Variants in FAM53A observed in about 807,000 individuals in gnomAD.
The protein encoded by FAM53A is protein FAM53A.
Under a neutral mutation model 26.6 loss-of-function variants are expected in FAM53A, and 28 were observed. The observed-to-expected ratio is 1.05, with a 90% CI of 0.78 to 1.45. The LOEUF is 1.45. Among genes scored for constraint, FAM53A ranks in the 40% most tolerant of loss-of-function variants. The pLI is 0.00. For synonymous variants in FAM53A, 290 were observed against 253.1 expected (o/e 1.15, Z -1.38); for missense variants, 650 against 575.8 (o/e 1.13, Z -1.32).
intron 1 of FAM53A, among the ~76,000 whole-genome samples, chr4:1,631,331 T>A (rs1363831538): frequency 6.6e-6 from 1 of 152,230 alleles, no homozygotes; most frequent in African/African-American, 2.4e-5. Context: ...ATCAACCCCA[T>A]GTCCCAGGCA....
At chr4:1,586,230 G>C in the FAM53A span, among the ~76,000 whole-genome samples, 1 of 151,718 alleles carries the variant, frequency 6.6e-6, no homozygotes, top group Non-Finnish European at 1.5e-5. Context: ...TTTCCCTCTT[G>C]TTGCCCAGGC....
chr4:1,612,932 T>A (rs1412831364), downstream of FAM53A, among the ~76,000 whole-genome samples: 1 of 152,218 alleles, frequency 6.6e-6, no homozygotes, highest in Non-Finnish European at 1.5e-5. Context: ...CATGGCCTGC[T>A]ACACATATGT....
At chr4:1,594,576 C>T in the FAM53A span, among the ~76,000 whole-genome samples, 1 of 152,214 alleles carries the variant, frequency 6.6e-6, no homozygotes, top group African/African-American at 2.4e-5. Context: ...GGTGCAGTGG[C>T]TTACGCCTGT....
chr4:1,677,235 C>G (rs1232976653), intron 1 of FAM53A, among the ~76,000 whole-genome samples: 2 of 152,210 alleles, frequency 1.3e-5, no homozygotes, highest in South Asian at 4.1e-4. Context: ...ATGCTCAAGG[C>G]GCCTCAAGCA....
intron 2 of FAM53A, among the ~76,000 whole-genome samples, chr4:1,666,739 C>G (rs1196075570): frequency 6.6e-6 from 1 of 152,274 alleles, no homozygotes; most frequent in Admixed American, 6.5e-5. Flanking sequence ...CAGTGGCTCA[C>G]GCCTGTAATC....
At chr4:1,623,420 G>A (rs1715140830) in intron 1 of FAM53A, among the ~76,000 whole-genome samples, 1 of 152,202 alleles carries the variant, frequency 6.6e-6, no homozygotes, top group South Asian at 2.1e-4. Flanking sequence ...TGGCAGCTGT[G>A]AGGCTTGGCC....
At chr4:1,614,564 C>G (rs1279789418), downstream of FAM53A, among the ~76,000 whole-genome samples, 1 of 151,986 alleles carries the variant, frequency 6.6e-6, no homozygotes, top group Non-Finnish European at 1.5e-5. Flanking sequence ...AGAAGAGGCA[C>G]AGCCCCAGAG....
the FAM53A span, among the ~76,000 whole-genome samples, chr4:1,581,720 A>C: frequency 6.6e-6 from 1 of 152,160 alleles, no homozygotes; most frequent in East Asian, 1.9e-4. Context: ...CCAGGCTCCC[A>C]AGTAACTGGG....
Position 1,655,087 on chromosome 4 carries a change from C to A in FAM53A, c.773G>T (p.Cys258Phe). The A allele has an allele frequency of 6.2e-7, 1 of 1,602,246 alleles. No homozygotes were observed. The highest frequency in any genetic ancestry group is 8.5e-7 in the Non-Finnish European group (1 of 1,174,382). ...ACTGAGCACGCAAGGCTGTGAGCGG[C>A]ACCGGAGCAGCCCACGGCGCCCGCC... ...ALGGRRGLLR[C>F]RSQPCVLSGK... is the part of the protein sequence containing the mutation. Residue 258 changes from cysteine (C) to phenylalanine (F), a missense_variant, in exon 4 of 5, where the codon TGC becomes TTC. By Grantham distance (205) the Cys-to-Phe change is radical (BLOSUM62 -2). Transcript: ENST00000308132.
rs769929489 is a variant in FAM53A at position 1,641,487 on chromosome 4, T to C, written c.1003A>G (p.Met335Val). ...CDSRGLPGIT[M>V]PGCSQRGLRT... ...AGGCCCCTCTGGCTGCAGCCAGGCA[T>C]GGTGATGCCAGGGAGGCCCCGGGAG... The change falls in exon 5 of 5, where the codon ATG (methionine) becomes GTG (valine). Residue 335 changes from methionine to valine, a missense_variant. Met to Val is a conservative substitution (Grantham distance 21, BLOSUM62 1). Coordinates refer to ENST00000308132, the MANE Select transcript of FAM53A (RefSeq NM_001174070.3). The C allele has an allele frequency of 7.4e-6, 12 of 1,614,152 alleles. No individual in the cohort carries two copies. The East Asian group carries it at 2.5e-4, about 33-fold the overall frequency.
At chr4:1,588,141 G>C in the FAM53A span, among the ~76,000 whole-genome samples, 1 of 152,232 alleles carries the variant, frequency 6.6e-6, no homozygotes, top group Admixed American at 6.5e-5. Flanking sequence ...CTTTTCAGCA[G>C]ACTGGGATTT....
intron 4 of FAM53A, among the ~76,000 whole-genome samples, chr4:1,642,333 C>A (rs1711786819): frequency 6.6e-6 from 1 of 152,200 alleles, no homozygotes; most frequent in South Asian, 2.1e-4. Flanking sequence ...TTCCAGTACC[C>A]CCATGCCACG....
At chr4:1,652,916 C>T (rs1212378789) in intron 4 of FAM53A, among the ~76,000 whole-genome samples, 2 of 149,608 alleles carry the variant, frequency 1.3e-5, no homozygotes, top group Non-Finnish European at 1.5e-5. Flanking sequence ...ACACACCAGA[C>T]AGCACTCACC....
At chr4:1,597,390 C>T in the FAM53A span, among the ~76,000 whole-genome samples, 3 of 152,126 alleles carry the variant, frequency 2.0e-5, no homozygotes, top group Non-Finnish European at 4.4e-5. Flanking sequence ...CGTCTACCCC[C>T]AACTCAGACC....
upstream of FAM53A, chr4:1,684,439 C>T (rs2109100107): frequency 6.7e-6 from 1 of 149,864 alleles, no homozygotes; most frequent in Non-Finnish European, 1.5e-5. Context: ...AGCCGCGCCG[C>T]GCCGACGGAG....
the FAM53A span, among the ~76,000 whole-genome samples, chr4:1,591,970 G>A: frequency 2.6e-5 from 4 of 152,218 alleles, no homozygotes; most frequent in African/African-American, 9.7e-5. Context: ...AGTGAAACGG[G>A]AGAGTGGATA....
In FAM53A at chr4:1,644,325, G is replaced by A. The variant is rs547132047; in HGVS notation, c.883-2718C>T. On this transcript the variant is annotated intron_variant, in intron 4 of 4. Transcript: ENST00000308132. The stretch of plus-strand genomic sequence containing the variant: ...GGCCTCGGACGCGGGACTCGCACTC[G>A]CGGGCACAGCTGTGCGGCTAGAGCG... The A allele has an allele frequency of 2.1e-5, 32 of 1,535,912 alleles. No individual in the cohort carries two copies. In the African/African-American group the frequency reaches 2.7e-4, roughly 13 times the overall value.
At chr4:1,635,836 C>CTTTTTTTTT (rs141715501), downstream of FAM53A, among the ~76,000 whole-genome samples, 4 of 81,524 alleles carry the variant, frequency 4.9e-5, no homozygotes, top group African/African-American at 5.7e-5. Context: ...AATACTAATT[C>CTTTTTTTTT]TTTTTTTTTT....
At chr4:1,602,841 G>A in the FAM53A span, among the ~76,000 whole-genome samples, 4 of 152,232 alleles carry the variant, frequency 2.6e-5, no homozygotes, top group South Asian at 8.3e-4. Context: ...AGCAGGAGCC[G>A]GCTCCGGCGG....
Sources: allele counts gnomAD v4.1 joint callset (sites outside exome capture counted in the v4.1 genomes callset), GRCh38; gene constraint gnomAD v4.1.1; transcripts MANE v1.5; gene names NCBI Gene and HGNC (gene_info 2026-07-23, HGNC 2026-07-21).